KIF3A: variants seen among roughly 807,000 people sequenced by gnomAD.
KIF3A encodes the protein kinesin family member 3A, also known as kinesin-like protein KIF3A.
KIF3A carries 27 observed loss-of-function variants against 92.6 expected under a neutral mutation model. The observed-to-expected ratio is 0.29, with a 90% CI of 0.21 to 0.40. The LOEUF (loss-of-function observed/expected upper bound fraction) is 0.40, where lower values mean the gene tolerates loss of function less well. KIF3A is among the 10% of genes least tolerant of loss of function. The pLI is 1.00. For missense variants in KIF3A, 581 were observed against 872.6 expected (o/e 0.67, Z 4.21); for synonymous variants, 250 against 275.4 (o/e 0.91, Z 0.92).
intron 14 of KIF3A, 124 bp downstream of exon 14, chr5:132,702,434 A>G: frequency 1.5e-6 from 1 of 683,386 alleles, no homozygotes. Context: ...ATTGCACATA[A>G]AGAAATATTT....
intron 15 of KIF3A, among the ~76,000 whole-genome samples, chr5:132,701,863 T>C (rs527547316): frequency 5.9e-5 from 9 of 152,164 alleles, no homozygotes; most frequent in Non-Finnish European, 1.3e-4. Flanking sequence ...TACACCTTGA[T>C]TCTGATCACA....
intron 2 of KIF3A, among the ~76,000 whole-genome samples, chr5:132,731,336 G>GC (rs1391111738): frequency 6.6e-6 from 1 of 152,074 alleles, no homozygotes; most frequent in African/African-American, 2.4e-5. Flanking sequence ...AAGTGGCAAA[G>GC]CTAGTTTCAC....
intron 12 of KIF3A, 140 bp downstream of exon 12, chr5:132,703,323 A>G: frequency 1.4e-6 from 1 of 725,522 alleles, no homozygotes; most frequent in South Asian, 2.0e-5. Context: ...CACTATATAC[A>G]ATGGACCCTT....
intron 8 of KIF3A, among the ~76,000 whole-genome samples, chr5:132,712,932 G>A (rs1753479185): frequency 6.6e-6 from 1 of 152,146 alleles, no homozygotes; most frequent in Admixed American, 6.5e-5. Flanking sequence ...TGCCGAGGCA[G>A]GCAGATCACG....
intron 9 of KIF3A, 143 bp from the exon 10 acceptor site, chr5:132,709,121 T>C (rs1488563117): frequency 2.8e-5 from 18 of 647,030 alleles, no homozygotes; most frequent in Admixed American, 1.9e-4. Flanking sequence ...CAAAATTTAC[T>C]TTCCTAAAAA....
chr5:132,696,549 G>C lies in KIF3A; in HGVS notation c.*85C>G. ...ACAACTTCCATTAATTGAAATTATA[G>C]AGAAGTCTTCACTGTTTTAATTAAA... On this transcript the variant is annotated 3_prime_UTR_variant, in exon 19 of 19. Coordinates refer to ENST00000403231, the MANE Select transcript of KIF3A (RefSeq NM_001300791.2). 1.3e-6 allele frequency: 1 copy of C among 761,310 alleles called. No individual in the cohort carries two copies. The highest frequency in any genetic ancestry group is 2.3e-6 in the Non-Finnish European group (1 of 440,000). 47.2% of individuals were successfully genotyped at this position (761,310 alleles called of 1,614,324 possible).
chr5:132,703,452 A>G lies in KIF3A; in HGVS notation c.1466+11T>C, dbSNP rs748018251. ...TAAATCATGAATTCATCTCAATTCA[A>G]TAATACTCACTGGGCTTTAAGAAGA... On this transcript the variant is annotated intron_variant, in intron 12 of 18. Coordinates refer to ENST00000403231, the MANE Select transcript of KIF3A (RefSeq NM_001300791.2). The G allele has an allele frequency of 1.9e-6, 3 of 1,591,250 alleles. No individual in the cohort carries two copies. In the South Asian group the frequency reaches 3.4e-5, roughly 18 times the overall value.
At chr5:132,723,966 A>T (rs1482505462) in intron 4 of KIF3A, among the ~76,000 whole-genome samples, 2 of 152,218 alleles carry the variant, frequency 1.3e-5, no homozygotes, top group Admixed American at 6.5e-5. Context: ...AAAAACAAAC[A>T]ACCCCATCAA....
intron 4 of KIF3A, among the ~76,000 whole-genome samples, chr5:132,724,967 T>C (rs1345603408): frequency 6.8e-6 from 1 of 146,758 alleles, no homozygotes; most frequent in Non-Finnish European, 1.5e-5. Context: ...TAAGAAATCC[T>C]AAAAACTATA....
intron 7 of KIF3A, 28 bp downstream of exon 7, chr5:132,716,217 G>A (rs1386569674): frequency 2.6e-6 from 4 of 1,541,324 alleles, no homozygotes; most frequent in Non-Finnish European, 3.6e-6. Context: ...TTTGCCTGAT[G>A]TTAACTATAT....
chr5:132,700,781 T>C (rs1010521680), intron 15 of KIF3A, 81 bp from the exon 16 acceptor site: 1 of 804,426 alleles, frequency 1.2e-6, no homozygotes, highest in Admixed American at 2.2e-5. Context: ...AAAATCTTAA[T>C]AACATTGAGT....
At chr5:132,702,335 T>A (rs570780680) in intron 14 of KIF3A, 123 bp from the exon 15 acceptor site, 1 of 936,726 alleles carries the variant, frequency 1.1e-6, no homozygotes, top group African/African-American at 1.7e-5. Flanking sequence ...TTTATAAAAA[T>A]GATAAACAGC....
Position 132,696,644 on chromosome 5 carries a change from A to G in KIF3A, c.2171T>C (p.Leu724Ser), listed in dbSNP as rs982239120. 3.7e-6 allele frequency: 6 copies of G among 1,606,176 alleles called. No homozygotes were observed. In the Admixed American group the frequency reaches 8.3e-5, roughly 22 times the overall value. Residue 724 changes from leucine to serine, a missense_variant, in exon 19 of 19, where the codon TTA (leucine) becomes TCA (serine). Transcript: ENST00000403231. ...SAKPETVIDS[L>S]LQ Reference sequence around the variant, plus strand: ...TTAAGTCTGTAACATTTACTGCAGTAAAGAGTCAATTACAGTTTCAGGCTT... The same window carrying G: ...TTAAGTCTGTAACATTTACTGCAGTGAAGAGTCAATTACAGTTTCAGGCTT...
At chr5:132,719,217 ATC>A (rs370519690) in intron 5 of KIF3A, among the ~76,000 whole-genome samples, 35 of 152,276 alleles carry the variant, frequency 2.3e-4, no homozygotes, top group South Asian at 1.2e-3. Context: ...TGGGTGAAAC[ATC>A]TCTCTCTATC....
At position 132,734,360 on chromosome 5, in the gene KIF3A, A is replaced by C; in HGVS notation, c.125T>G (p.Met42Arg). The change falls in exon 2 of 19, where the codon ATG (methionine) becomes AGG (arginine). Residue 42 changes from methionine to arginine, a missense_variant. By Grantham distance (91) the Met-to-Arg change is moderately conservative (BLOSUM62 -1). Transcript: ENST00000403231. ...CYKQAVSVDEMRGTITVHKTD... is the reference protein window; with the variant it reads ...CYKQAVSVDERRGTITVHKTD... Reference sequence around the variant, plus strand: ...CTTATGTACAGTGATAGTTCCCCTCATCTCATCCACACTGACAGCCTGTTT... The same window carrying C: ...CTTATGTACAGTGATAGTTCCCCTCCTCTCATCCACACTGACAGCCTGTTT... 1 of 1,614,120 alleles carries C rather than the reference A, an allele frequency of 6.2e-7. No homozygotes were observed.
chr5:132,721,797 T>C (rs1561706236), intron 4 of KIF3A, among the ~76,000 whole-genome samples: 3 of 151,664 alleles, frequency 2.0e-5, no homozygotes, highest in African/African-American at 7.3e-5. Flanking sequence ...GGGTCCATGG[T>C]GGCACTGAGG....
At chr5:132,722,224 G>A (rs956582544) in intron 4 of KIF3A, among the ~76,000 whole-genome samples, 6 of 152,064 alleles carry the variant, frequency 3.9e-5, no homozygotes, top group Non-Finnish European at 7.4e-5. Flanking sequence ...ATTAATAAGT[G>A]TATTCAACTA....
intron 7 of KIF3A, 146 bp from the exon 8 acceptor site, chr5:132,716,077 C>T: frequency 5.9e-6 from 5 of 844,692 alleles, no homozygotes; most frequent in Non-Finnish European, 9.0e-6. Context: ...CATGAGTTTC[C>T]AAAGGACACT....
intron 1 of KIF3A, chr5:132,736,873 T>C (rs1011515324): frequency 1.0e-5 from 4 of 390,678 alleles, no homozygotes; most frequent in African/African-American, 8.5e-5. Flanking sequence ...AAGATAAACA[T>C]AACACCGCCA....
Sources: allele counts gnomAD v4.1 joint callset (sites outside exome capture counted in the v4.1 genomes callset), GRCh38; gene constraint gnomAD v4.1.1; transcripts MANE v1.5; gene names NCBI Gene and HGNC (gene_info 2026-07-23, HGNC 2026-07-21).